Variants in HEMK2 observed in about 807,000 individuals in gnomAD.
The protein encoded by HEMK2 is methyltransferase HEMK2.
At chr21:28,739,675 A>G in the HEMK2 span, among the ~76,000 whole-genome samples, 1 of 152,228 alleles carries the variant, frequency 6.6e-6, no homozygotes, top group Non-Finnish European at 1.5e-5. Flanking sequence ...TACTGTCCCT[A>G]TAGCCATTAG....
the HEMK2 span, among the ~76,000 whole-genome samples, chr21:28,761,895 G>A: frequency 1.3e-5 from 2 of 152,078 alleles, no homozygotes; most frequent in Non-Finnish European, 2.9e-5. Flanking sequence ...AATGAAAAGA[G>A]TTTGAAGCCA....
the HEMK2 span, among the ~76,000 whole-genome samples, chr21:28,617,761 A>G: frequency 2.6e-5 from 4 of 151,280 alleles, no homozygotes; most frequent in African/African-American, 9.7e-5. Flanking sequence ...TTCATCTCTA[A>G]TATTATGGTA....
chr21:28,591,678 T>C, the HEMK2 span, among the ~76,000 whole-genome samples: 2 of 152,116 alleles, frequency 1.3e-5, no homozygotes, highest in South Asian at 4.2e-4. Flanking sequence ...AATAATTATT[T>C]TTTCTGATCC....
At chr21:28,678,268 T>G in the HEMK2 span, among the ~76,000 whole-genome samples, 1 of 152,180 alleles carries the variant, frequency 6.6e-6, no homozygotes, top group East Asian at 1.9e-4. Context: ...AGTAGCTGAT[T>G]TGATCAACTG....
chr21:28,885,261 T>C, the HEMK2 span: 3 of 1,595,394 alleles, frequency 1.9e-6, no homozygotes, highest in Non-Finnish European at 8.6e-7. Context: ...AGCAGAAACG[T>C]GTCCTCCGCG....
the HEMK2 span, among the ~76,000 whole-genome samples, chr21:28,582,952 T>C: frequency 4.6e-5 from 7 of 152,274 alleles, no homozygotes; most frequent in Admixed American, 2.0e-4. Context: ...TTTTACAGAA[T>C]GGGTGTCATT....
chr21:28,581,527 T>A, the HEMK2 span, among the ~76,000 whole-genome samples: 1 of 152,184 alleles, frequency 6.6e-6, no homozygotes, highest in Non-Finnish European at 1.5e-5. Flanking sequence ...AAGGGCAATG[T>A]CACTCACTGC....
the HEMK2 span, among the ~76,000 whole-genome samples, chr21:28,636,555 A>G: frequency 4.6e-5 from 7 of 152,108 alleles, no homozygotes; most frequent in Non-Finnish European, 1.0e-4. Flanking sequence ...GCAAATTTCC[A>G]TTCCCTCATG....
At chr21:28,662,809 G>C in the HEMK2 span, among the ~76,000 whole-genome samples, 1 of 152,124 alleles carries the variant, frequency 6.6e-6, no homozygotes, top group African/African-American at 2.4e-5. Context: ...AGAACTGTGA[G>C]TCAATTAAAC....
At chr21:28,688,738 A>G in the HEMK2 span, among the ~76,000 whole-genome samples, 1 of 152,214 alleles carries the variant, frequency 6.6e-6, no homozygotes, top group African/African-American at 2.4e-5. Flanking sequence ...TGACTAAAGA[A>G]GCAGTAGATT....
At chr21:28,705,059 A>G in the HEMK2 span, among the ~76,000 whole-genome samples, 3 of 152,144 alleles carry the variant, frequency 2.0e-5, no homozygotes, top group Admixed American at 1.3e-4. Context: ...AGTCAACAAA[A>G]TTACGTGAGG....
the HEMK2 span, among the ~76,000 whole-genome samples, chr21:28,604,267 T>A: frequency 6.6e-6 from 1 of 151,524 alleles, no homozygotes; most frequent in African/African-American, 2.4e-5. Context: ...TCTCAGGGAG[T>A]GAGGGGCTGG....
the HEMK2 span, among the ~76,000 whole-genome samples, chr21:28,629,958 A>G: frequency 6.6e-6 from 1 of 151,740 alleles, no homozygotes; most frequent in African/African-American, 2.4e-5. Flanking sequence ...ATTTTATTTA[A>G]CTTTCAAAAA....
the HEMK2 span, among the ~76,000 whole-genome samples, chr21:28,663,998 C>T: frequency 1.3e-5 from 2 of 152,106 alleles, no homozygotes; most frequent in Non-Finnish European, 2.9e-5. Context: ...ATAGTATGCT[C>T]ATATATAAAG....
chr21:28,867,022 T>C, the HEMK2 span, among the ~76,000 whole-genome samples: 1 of 152,048 alleles, frequency 6.6e-6, no homozygotes, highest in African/African-American at 2.4e-5. Context: ...GTCCCAAATA[T>C]TGGTGAAGAT....
chr21:28,690,717 T>C, the HEMK2 span, among the ~76,000 whole-genome samples: 2 of 152,174 alleles, frequency 1.3e-5, no homozygotes, highest in Admixed American at 6.5e-5. Context: ...GTAATTTCTT[T>C]CTTGCATTGT....
chr21:28,697,821 A>G, the HEMK2 span, among the ~76,000 whole-genome samples: 2 of 149,970 alleles, frequency 1.3e-5, no homozygotes, highest in Admixed American at 6.6e-5. Context: ...AGAATTACCC[A>G]GTCTCGGGTA....
At chr21:28,703,044 G>A in the HEMK2 span, among the ~76,000 whole-genome samples, 1 of 152,154 alleles carries the variant, frequency 6.6e-6, no homozygotes, top group South Asian at 2.1e-4. Flanking sequence ...ATTATCCTAA[G>A]TGAACTAGCA....
At chr21:28,575,669 T>C in the HEMK2 span, among the ~76,000 whole-genome samples, 1 of 152,204 alleles carries the variant, frequency 6.6e-6, no homozygotes, top group Admixed American at 6.5e-5. Flanking sequence ...TAGTATATAG[T>C]TCAATAAATT....
Sources: allele counts gnomAD v4.1 joint callset (sites outside exome capture counted in the v4.1 genomes callset), GRCh38; gene constraint gnomAD v4.1.1; transcripts MANE v1.5; gene names NCBI Gene and HGNC (gene_info 2026-07-23, HGNC 2026-07-21).